The following RYR3 variants were observed in gnomAD, a reference collection of about 807,000 sequenced individuals.
RYR3 encodes ryanodine receptor 3, also known as brain ryanodine receptor-calcium release channel.
RYR3 carries 207 observed loss-of-function variants against 584.3 expected under a neutral mutation model. The observed-to-expected ratio is 0.35, with a 90% confidence interval of 0.32 to 0.40. The LOEUF (loss-of-function observed/expected upper bound fraction) is 0.40, where lower values mean the gene tolerates loss of function less well. Among genes scored for constraint, RYR3 ranks in the 10% least tolerant of loss-of-function variants. The pLI, the probability that RYR3 is intolerant of heterozygous loss-of-function variation, is 1.00. For synonymous variants in RYR3, 2,416 were observed against 2,248.5 expected, an observed-to-expected ratio of 1.07 and a Z score of -2.11; for missense variants, 5,616 against 6,089.2, an observed-to-expected ratio of 0.92 and a Z score of 2.59.
intron 1 of RYR3, among the ~76,000 whole-genome samples, chr15:33,387,671 A>AAACAGAAATAG (rs2041708446): frequency 6.6e-6 from 1 of 151,980 alleles, no homozygotes. Context: ...ACAAAAAAAA[A>AAACAGAAATAG]ACAGAAATAG....
At chr15:33,849,876 A>G (rs1020906667) in intron 94 of RYR3, 10 of 152,242 alleles carry the variant, frequency 6.6e-5, no homozygotes, top group African/African-American at 2.2e-4. Context: ...GAACAGGCAC[A>G]TCCTCACATC....
At chr15:33,798,825 C>T (rs1243003416) in intron 67 of RYR3, among the ~76,000 whole-genome samples, 3 of 152,114 alleles carry the variant, frequency 2.0e-5, no homozygotes, top group Non-Finnish European at 2.9e-5. Flanking sequence ...AGACTGGAAC[C>T]AAGGGCAGTA....
chr15:33,366,939 C>A (rs1215544225), intron 1 of RYR3, among the ~76,000 whole-genome samples: 1 of 152,194 alleles, frequency 6.6e-6, no homozygotes. Context: ...GCTACTCCAT[C>A]TCTAGGGGAA....
chr15:33,740,549 C>T (rs1211422120), intron 51 of RYR3, among the ~76,000 whole-genome samples: 1 of 152,172 alleles, frequency 6.6e-6, no homozygotes, highest in Non-Finnish European at 1.5e-5. Flanking sequence ...TGTAATTTTC[C>T]AGAATTTCTC....
chr15:33,380,440 C>T lies in RYR3; in HGVS notation c.51+69344C>T, dbSNP rs60437870. 1.5e-3 allele frequency among the ~76,000 whole-genome samples: 233 copies of T among 152,248 alleles called. 2 individuals are homozygous for T. Among genetic ancestry groups the T allele is most frequent in the African/African-American group, 5.3e-3 (222 of 41,526 alleles). On this transcript the variant is annotated intron_variant, in intron 1 of 103. Coordinates refer to ENST00000634891, the MANE Select transcript of RYR3 (RefSeq NM_001036.6). ...TTTTAAGACATTTTCTGGCAGGGGACATTTATCTTTGAGTGACTTCTGAAG... is the reference window on the plus strand; with the variant it reads ...TTTTAAGACATTTTCTGGCAGGGGATATTTATCTTTGAGTGACTTCTGAAG...
intron 64 of RYR3, among the ~76,000 whole-genome samples, chr15:33,779,107 G>A (rs1156414572): frequency 6.6e-6 from 1 of 152,162 alleles, no homozygotes; most frequent in East Asian, 1.9e-4. Context: ...TAGTTCAGCA[G>A]ATTTATATCT....
In RYR3 at chr15:33,663,751, C is replaced by G; in HGVS notation, c.5619+14C>G. The stretch of plus-strand genomic sequence containing the variant: ...CCACAGGAGCAGGTGAGGGTCCTTC[C>G]TGAGCCTCTGTCCAGTTCCTATGGA... On this transcript the variant is annotated intron_variant, in intron 36 of 103. Transcript: ENST00000634891. The G allele has an allele frequency of 5.7e-6, 9 of 1,588,340 alleles. No individual in the cohort carries two copies. Among genetic ancestry groups the G allele is most frequent in the Non-Finnish European group, 7.7e-6 (9 of 1,167,590 alleles).
chr15:33,487,068 G>A (rs900684899), intron 2 of RYR3, among the ~76,000 whole-genome samples: 1 of 151,964 alleles, frequency 6.6e-6, no homozygotes, highest in Admixed American at 6.6e-5. Flanking sequence ...TGTGGTGGTG[G>A]GCATCTATAG....
intron 51 of RYR3, 91 bp from the exon 52 acceptor site, chr15:33,742,275 G>T: frequency 1.2e-6 from 1 of 817,286 alleles, no homozygotes; most frequent in South Asian, 1.5e-5. Flanking sequence ...TCCACCTTCT[G>T]ACAGCTGGTT....
At chr15:33,557,352 G>C (rs140895963) in intron 10 of RYR3, among the ~76,000 whole-genome samples, 1 of 152,178 alleles carries the variant, frequency 6.6e-6, no homozygotes, top group Non-Finnish European at 1.5e-5. Flanking sequence ...GAACCAGACC[G>C]GGGCAACTAT....
At position 33,770,489 on chromosome 15, in the gene RYR3, C is replaced by A. The variant is rs150638684; in HGVS notation, c.8816+1317C>A. Among the ~76,000 whole-genome samples the A allele has an allele frequency of 8.3e-4, 127 of 152,244 alleles. No homozygotes were observed. In the East Asian group the frequency reaches 0.022, roughly 26 times the overall value. On this transcript the variant is annotated intron_variant, in intron 62 of 103. Coordinates refer to ENST00000634891, the MANE Select transcript of RYR3 (RefSeq NM_001036.6). ...AGGAAGGGCCAGATGCAGTGGCTCACGCCTGTAATCCCAGCACTTTGGGAG... is the reference window on the plus strand; with the variant it reads ...AGGAAGGGCCAGATGCAGTGGCTCAAGCCTGTAATCCCAGCACTTTGGGAG...
chr15:33,419,369 A>T (rs2044064105), intron 1 of RYR3, among the ~76,000 whole-genome samples: 1 of 152,094 alleles, frequency 6.6e-6, no homozygotes, highest in African/African-American at 2.4e-5. Flanking sequence ...TCGGGAAGGG[A>T]TGGGAAATCC....
intron 38 of RYR3, among the ~76,000 whole-genome samples, chr15:33,688,070 A>G (rs1056099925): frequency 1.3e-5 from 2 of 152,192 alleles, no homozygotes; most frequent in African/African-American, 4.8e-5. Flanking sequence ...AATGGGATCT[A>G]ATTAAACTCA....
At chr15:33,708,109 C>G (rs2066847917) in intron 43 of RYR3, among the ~76,000 whole-genome samples, 1 of 152,198 alleles carries the variant, frequency 6.6e-6, no homozygotes, top group Non-Finnish European at 1.5e-5. Flanking sequence ...ACCAGCTTTG[C>G]TAACCTCCAT....
chr15:33,323,738 C>T (rs1298126600), intron 1 of RYR3, among the ~76,000 whole-genome samples: 1 of 152,186 alleles, frequency 6.6e-6, no homozygotes, highest in Non-Finnish European at 1.5e-5. Flanking sequence ...GCTTTTAACT[C>T]AACCACATCC....
intron 38 of RYR3, among the ~76,000 whole-genome samples, chr15:33,687,971 C>G (rs975394314): frequency 2.6e-5 from 4 of 152,144 alleles, no homozygotes; most frequent in Non-Finnish European, 2.9e-5. Flanking sequence ...TAGAAGAAAA[C>G]CTAGGCAATA....
At chr15:33,654,807 T>C (rs547094255) in intron 32 of RYR3, among the ~76,000 whole-genome samples, 7 of 152,364 alleles carry the variant, frequency 4.6e-5, no homozygotes, top group Admixed American at 3.9e-4. Flanking sequence ...AAAAACATCC[T>C]GCTATGATGT....
At chr15:33,542,354 C>T (rs1301329484) in intron 7 of RYR3, among the ~76,000 whole-genome samples, 1 of 152,056 alleles carries the variant, frequency 6.6e-6, no homozygotes, top group Non-Finnish European at 1.5e-5. Flanking sequence ...AGGGCATGGC[C>T]TCTCCATCAT....
chr15:33,460,452 T>C (rs1304777096), intron 1 of RYR3, among the ~76,000 whole-genome samples: 1 of 152,208 alleles, frequency 6.6e-6, no homozygotes, highest in African/African-American at 2.4e-5. Flanking sequence ...AACTTGAAGT[T>C]TGGAGTCACA....
Sources: allele counts gnomAD v4.1 joint callset (sites outside exome capture counted in the v4.1 genomes callset), GRCh38; gene constraint gnomAD v4.1.1; transcripts MANE v1.5; gene names NCBI Gene and HGNC (gene_info 2026-07-23, HGNC 2026-07-21).